Variants in NCAPD3 observed in about 807,000 individuals in gnomAD.
NCAPD3 encodes non-SMC condensin II complex subunit D3.
In NCAPD3, 105 loss-of-function variants were observed where a neutral mutation model predicts 182.9. The ratio of observed to expected loss-of-function variants is 0.57; its 90% CI spans 0.49 to 0.68. NCAPD3 has a LOEUF of 0.68. Among genes scored for constraint, NCAPD3 ranks in the 30% least tolerant of loss-of-function variants. The probability of loss-of-function intolerance (pLI) is 0.00; values close to 1 mark genes in which losing one functional copy is unlikely to be tolerated. For missense variants in NCAPD3, 1,944 were observed against 1,837.0 expected (o/e 1.06, Z -1.07); for synonymous variants, 815 against 679.9 (o/e 1.20, Z -3.09).
chr11:134,158,210 G>T (rs531542399), intron 30 of NCAPD3, 119 bp downstream of exon 30: 1 of 1,518,372 alleles, frequency 6.6e-7, no homozygotes, highest in Non-Finnish European at 9.0e-7. Flanking sequence ...AGTGTGGAGC[G>T]GGGTGGCAGG....
chr11:134,218,409 T>G (rs1362132362), intron 2 of NCAPD3, among the ~76,000 whole-genome samples: 2 of 152,166 alleles, frequency 1.3e-5, no homozygotes, highest in Admixed American at 1.3e-4. Context: ...TCACTGTGCT[T>G]CAACCCATAC....
chr11:134,156,967 G>A (rs368890651), intron 32 of NCAPD3, 51 bp downstream of exon 32: 21 of 1,467,420 alleles, frequency 1.4e-5, no homozygotes, highest in South Asian at 3.5e-5. Context: ...AACACATCAC[G>A]AATGCAGGAG....
rs1943592084 is a variant in NCAPD3, at chr11:134,161,891, C to G, written c.3574G>C (p.Val1192Leu). The G allele has an allele frequency of 1.4e-6, 2 of 1,452,938 alleles. No homozygotes were observed. The highest frequency in any genetic ancestry group is 2.8e-5 in the African/African-American group (2 of 70,504). The allele number at this position is 1,452,938 out of a possible 1,614,324, so 90.0% of individuals were successfully genotyped here. The change falls in exon 28 of 35, where the codon GTT becomes CTT. Residue 1192 changes from valine (V) to leucine (L), a missense_variant and splice_region_variant. Physicochemically the swap from Val to Leu is conservative, Grantham distance 32. Coordinates refer to ENST00000534548, the MANE Select transcript of NCAPD3 (RefSeq NM_015261.3). ...TTTTCTATGAAATTCCTCTTCTGAACCTGGTAACACAAACAAAGACATGTT... is the reference window on the plus strand; with the variant it reads ...TTTTCTATGAAATTCCTCTTCTGAAGCTGGTAACACAAACAAAGACATGTT... ...QEAQKKLISQ[V>L]QKRNFIENII...
intron 24 of NCAPD3, among the ~76,000 whole-genome samples, chr11:134,174,405 A>G (rs1442654717): frequency 2.0e-5 from 3 of 148,532 alleles, no homozygotes; most frequent in Non-Finnish European, 4.5e-5. Context: ...AAAAAAAAAA[A>G]AGCAAACAAA....
In NCAPD3 at chr11:134,204,960, T is replaced by C; in HGVS notation, c.1028A>G (p.Asp343Gly). The C allele has an allele frequency of 1.9e-6, 3 of 1,613,590 alleles. No individual in the cohort carries two copies. The highest frequency in any genetic ancestry group is 2.5e-6 in the Non-Finnish European group (3 of 1,179,560). Residue 343 changes from aspartate to glycine, a missense_variant, in exon 9 of 35, where the codon GAT becomes GGT. By Grantham distance (94) the Asp-to-Gly change is moderately conservative (BLOSUM62 -1). This residue lies in a region of NCAPD3 where 1,803 missense variants were observed against 1,674.6 expected (regional missense o/e 1.08). Transcript: ENST00000534548. The surrounding 1 kb of genome is among the most constrained non-coding windows in gnomAD (Gnocchi z 4.3). The stretch of plus-strand genomic sequence containing the variant: ...TGGGAATATACTCTCCTTTAATTCA[T>C]CCACAAGGGCGCTTTGTAAAAGAAA... ...QAVQFISALV[D>G]ELKESIFPVV...
Position 134,204,751 on chromosome 11 carries a change from C to G in NCAPD3, c.1089+148G>C. 2 of 570,930 alleles carry G rather than the reference C, an allele frequency of 3.5e-6. No homozygotes were observed. The highest frequency in any genetic ancestry group is 5.8e-6 in the Non-Finnish European group (2 of 344,540). 35.4% of individuals were successfully genotyped at this position (570,930 alleles called of 1,614,324 possible). A position where few individuals can be genotyped will look rare whatever the true frequency, so the allele number is the denominator to read the frequency against. ...TATAGAACACTTTTGTCTAGGGGACCATCTAGTGAACATTAAATAAAACCA... is the reference window on the plus strand; with the variant it reads ...TATAGAACACTTTTGTCTAGGGGACGATCTAGTGAACATTAAATAAAACCA... On this transcript the variant is annotated intron_variant, in intron 9 of 34. Transcript: ENST00000534548. This position sits in a 1 kb window ranked among gnomAD's most constrained non-coding sequence, Gnocchi z 4.3.
chr11:134,196,129 T>A lies in NCAPD3; in HGVS notation c.1616-1391A>T, dbSNP rs149123975. Among the ~76,000 whole-genome samples the A allele has an allele frequency of 2.0e-3, 303 of 152,096 alleles. 1 individual carries two copies. The highest frequency in any genetic ancestry group is 6.8e-3 in the African/African-American group (283 of 41,504). On this transcript the variant is annotated intron_variant, in intron 13 of 34. Coordinates refer to ENST00000534548, the MANE Select transcript of NCAPD3 (RefSeq NM_015261.3). ...TGGCGAAGAAAATAAGAAAGAAAAT[T>A]GAAATTGCTAAAATCAAGAAAGGAG...
At chr11:134,222,771 G>T (rs182082491) in intron 1 of NCAPD3, among the ~76,000 whole-genome samples, 14 of 152,334 alleles carry the variant, frequency 9.2e-5, no homozygotes, top group Non-Finnish European at 1.9e-4. Context: ...GTGCCTCCCA[G>T]CAAGCACAGT....
chr11:134,160,096 C>T (rs949502752), intron 28 of NCAPD3, 22 bp from the exon 29 acceptor site: 2 of 1,608,970 alleles, frequency 1.2e-6, no homozygotes, highest in African/African-American at 1.3e-5. Context: ...CCAGGAGCAT[C>T]CTTTCATGTT....
rs138104849 is a variant in NCAPD3, at chr11:134,179,700, A to C, written c.2560-764T>G. 4.2e-3 allele frequency among the ~76,000 whole-genome samples: 640 copies of C among 152,318 alleles called. 4 individuals are homozygous for C. Among genetic ancestry groups the C allele is most frequent in the African/African-American group, 0.015 (613 of 41,574 alleles). On this transcript the variant is annotated intron_variant, in intron 20 of 34. Transcript: ENST00000534548. ...ATTATTTTTCTATGTAGACCCCATC[A>C]AAAACCTACTCACAGCTGCCATGCT...
At chr11:134,171,530 C>G (rs1209507939) in intron 24 of NCAPD3, among the ~76,000 whole-genome samples, 1 of 152,180 alleles carries the variant, frequency 6.6e-6, no homozygotes. Context: ...TGTTCCTGAC[C>G]TGGCCTACAA....
At chr11:134,197,023 C>T (rs1944646267) in intron 13 of NCAPD3, among the ~76,000 whole-genome samples, 1 of 152,150 alleles carries the variant, frequency 6.6e-6, no homozygotes, top group South Asian at 2.1e-4. Flanking sequence ...CAGCTTGGTG[C>T]TGTCTTCAGG....
At chr11:134,220,045 C>T (rs866890966) in intron 2 of NCAPD3, among the ~76,000 whole-genome samples, 3 of 152,122 alleles carry the variant, frequency 2.0e-5, no homozygotes, top group Non-Finnish European at 4.4e-5. Flanking sequence ...CCACCCACCT[C>T]GGCCTCCCAA....
chr11:134,163,601 G>A (rs1344657298), intron 27 of NCAPD3, among the ~76,000 whole-genome samples: 11 of 151,650 alleles, frequency 7.3e-5, no homozygotes, highest in Admixed American at 1.3e-4. Flanking sequence ...TAGGGAGGCT[G>A]AGGCAGGAGA....
intron 2 of NCAPD3, among the ~76,000 whole-genome samples, chr11:134,217,634 T>C (rs1385911636): frequency 6.6e-6 from 1 of 152,220 alleles, no homozygotes; most frequent in Non-Finnish European, 1.5e-5. Flanking sequence ...TAATTCTATC[T>C]TCATTCCATG....
At chr11:134,198,218 T>C (rs1210257386) in intron 13 of NCAPD3, among the ~76,000 whole-genome samples, 1 of 152,194 alleles carries the variant, frequency 6.6e-6, no homozygotes, top group African/African-American at 2.4e-5. Flanking sequence ...CAATCTATTC[T>C]CTCTGAAGCC....
intron 19 of NCAPD3, among the ~76,000 whole-genome samples, chr11:134,184,368 C>A (rs1944354457): frequency 6.6e-6 from 1 of 152,232 alleles, no homozygotes. Flanking sequence ...CAGGAAATGA[C>A]AATCAACAGG....
In NCAPD3 at chr11:134,192,808, G is replaced by C; in HGVS notation, c.1926C>G (p.Phe642Leu). 6.2e-7 allele frequency: 1 copy of C among 1,614,172 alleles called. No individual in the cohort carries two copies. Among genetic ancestry groups the C allele is most frequent in the African/African-American group, 1.3e-5 (1 of 75,036 alleles). Residue 642 changes from phenylalanine (F) to leucine (L), a missense_variant, in exon 16 of 35, where the codon TTC (phenylalanine) becomes TTG (leucine). By Grantham distance (22) the Phe-to-Leu change is conservative. Coordinates refer to ENST00000534548, the MANE Select transcript of NCAPD3 (RefSeq NM_015261.3). ...TGTTCTGCAGCAGCAGCTGGTCCAG[G>C]AACTCCAGGGCCTTCTCCTGCACAG... is the stretch of plus-strand genomic sequence containing the variant. ...ESTVQEKALE[F>L]LDQLLLQNIR...
intron 29 of NCAPD3, 110 bp from the exon 30 acceptor site, chr11:134,158,605 T>G: frequency 8.6e-7 from 1 of 1,158,292 alleles, no homozygotes; most frequent in Non-Finnish European, 1.2e-6. Flanking sequence ...TTGATACATG[T>G]GGACAACGTA....
Sources: allele counts gnomAD v4.1 joint callset (sites outside exome capture counted in the v4.1 genomes callset), GRCh38; gene constraint gnomAD v4.1.1; regional missense constraint gnomAD v4.1.1; non-coding constraint Gnocchi (gnomAD v3.1); transcripts MANE v1.5; gene names NCBI Gene and HGNC (gene_info 2026-07-23, HGNC 2026-07-21).